Variants in SLCO3A1 observed in about 807,000 individuals in gnomAD.
The protein encoded by SLCO3A1 is PGE1 transporter.
In SLCO3A1, 27 loss-of-function variants were observed where a neutral mutation model predicts 63.1. That is an observed-to-expected ratio of 0.43 (90% CI 0.32 to 0.59). The LOEUF (loss-of-function observed/expected upper bound fraction) is 0.59. Ranked by LOEUF, SLCO3A1 falls within the 20% of genes least tolerant of loss-of-function variation. The probability of loss-of-function intolerance (pLI) is 0.09; values close to 1 mark genes in which losing one functional copy is unlikely to be tolerated. For synonymous variants in SLCO3A1, 473 were observed against 409.9 expected (o/e 1.15, Z -1.86); for missense variants, 773 against 945.8 (o/e 0.82, Z 2.40).
chr15:92,059,176 G>C (rs2047056590), intron 2 of SLCO3A1, among the ~76,000 whole-genome samples: 1 of 152,198 alleles, frequency 6.6e-6, no homozygotes, highest in South Asian at 2.1e-4. Context: ...CTCTTACCAA[G>C]TAGATCAACC....
intron 10 of SLCO3A1, chr15:92,171,773 C>T: frequency 6.5e-7 from 1 of 1,547,942 alleles, no homozygotes; most frequent in South Asian, 1.2e-5. Context: ...CCCTCCTCCC[C>T]CTTTAGGCAC....
rs113451345 is a variant in SLCO3A1 at position 91,959,903 on chromosome 15, C to T, written c.646+43445C>T. ...ATTATGCCCTCCCTAGCAGGTGCTG[C>T]CAAACACTAATTTACTTTCTGTGTC... On this transcript the variant is annotated intron_variant, in intron 2 of 9. Transcript: ENST00000318445. Among the ~76,000 whole-genome samples the T allele has an allele frequency of 6.7e-3, 1,013 of 152,194 alleles. 13 individuals are homozygous for T. The highest frequency in any genetic ancestry group is 0.024 in the African/African-American group (988 of 41,518).
intron 1 of SLCO3A1, among the ~76,000 whole-genome samples, chr15:91,869,299 G>A (rs1374772353): frequency 2.0e-5 from 3 of 152,122 alleles, no homozygotes; most frequent in Non-Finnish European, 2.9e-5. Flanking sequence ...ACTTTGGGAG[G>A]CCGAGGTGGG....
chr15:91,866,715 G>A (rs376182182), intron 1 of SLCO3A1, among the ~76,000 whole-genome samples: 1 of 151,588 alleles, frequency 6.6e-6, no homozygotes, highest in African/African-American at 2.4e-5. Flanking sequence ...GATTTATCGT[G>A]GGGGGGGAGA....
At chr15:92,150,295 C>T (rs1180973712) in intron 8 of SLCO3A1, among the ~76,000 whole-genome samples, 2 of 152,198 alleles carry the variant, frequency 1.3e-5, no homozygotes, top group African/African-American at 4.8e-5. Context: ...CAGATTGAGG[C>T]TGGGTCTGCC....
chr15:92,161,576 T>A (rs2048437321), intron 9 of SLCO3A1: 1 of 152,208 alleles, frequency 6.6e-6, no homozygotes, highest in South Asian at 2.1e-4. Flanking sequence ...ATATTAAATA[T>A]CCAGGGGAAG....
intron 2 of SLCO3A1, among the ~76,000 whole-genome samples, chr15:92,015,766 C>T (rs1187138847): frequency 6.6e-6 from 1 of 152,144 alleles, no homozygotes. Context: ...CTGGTCCAGT[C>T]CCTGCTTGCT....
intron 2 of SLCO3A1, among the ~76,000 whole-genome samples, chr15:92,016,225 A>ATAGATAGATAGATAGAT (rs2046426369): frequency 6.7e-5 from 6 of 89,270 alleles, no homozygotes; most frequent in African/African-American, 2.1e-4. Flanking sequence ...AGATAGATAG[A>ATAGATAGATAGATAGAT]TAGATAGATA....
chr15:91,869,520 A>AG (rs1897242431), intron 1 of SLCO3A1, among the ~76,000 whole-genome samples: 1 of 54,408 alleles, frequency 1.8e-5, no homozygotes, highest in Admixed American at 1.8e-4. Context: ...TCTGTCTCAA[A>AG]GGAAAAAAAA....
At chr15:92,104,210 G>A in intron 3 of SLCO3A1, 69 bp from the exon 4 acceptor site, 1 of 1,563,816 alleles carries the variant, frequency 6.4e-7, no homozygotes, top group Non-Finnish European at 8.7e-7. Flanking sequence ...AGCGGATTCA[G>A]ATTCTCAGCA....
At chr15:91,889,439 A>C (rs912430498) in intron 1 of SLCO3A1, among the ~76,000 whole-genome samples, 1 of 152,238 alleles carries the variant, frequency 6.6e-6, no homozygotes, top group Non-Finnish European at 1.5e-5. Context: ...GGTAGTGGGC[A>C]GTAAGATGTG....
intron 2 of SLCO3A1, among the ~76,000 whole-genome samples, chr15:92,071,247 G>A (rs778209857): frequency 7.9e-5 from 12 of 152,164 alleles, no homozygotes; most frequent in Non-Finnish European, 1.5e-4. Context: ...ATGCGAGGCC[G>A]GTGCCTGCCA....
At chr15:91,904,831 C>T (rs1214659259) in intron 1 of SLCO3A1, among the ~76,000 whole-genome samples, 1 of 152,058 alleles carries the variant, frequency 6.6e-6, no homozygotes, top group Non-Finnish European at 1.5e-5. Flanking sequence ...ATTTTATTAG[C>T]GTATTTATGG....
intron 2 of SLCO3A1, among the ~76,000 whole-genome samples, chr15:91,937,478 C>T (rs890122379): frequency 2.6e-5 from 4 of 152,186 alleles, no homozygotes; most frequent in African/African-American, 4.8e-5. Flanking sequence ...CCAGTACTTC[C>T]GGAGGCCGAG....
Position 91,859,152 on chromosome 15 carries a change from T to C in SLCO3A1, c.180+5064T>C, listed in dbSNP as rs1015529921. Among the ~76,000 whole-genome samples the C allele has an allele frequency of 2.0e-5, 3 of 152,220 alleles. No individual in the cohort carries two copies. The highest frequency in any genetic ancestry group is 7.2e-5 in the African/African-American group (3 of 41,446). ...CAATGAATATTGTATGCCATACTTT[T>C]TGAAGGTGCGAAGGGACATTTCAAT... On this transcript the variant is annotated intron_variant, in intron 1 of 9. Transcript: ENST00000318445. The surrounding 1 kb of genome is among the most constrained non-coding windows in gnomAD (Gnocchi z 5.1).
At chr15:92,070,156 C>T (rs1280776009) in intron 2 of SLCO3A1, among the ~76,000 whole-genome samples, 1 of 152,212 alleles carries the variant, frequency 6.6e-6, no homozygotes, top group African/African-American at 2.4e-5. Context: ...CTCACGCTCT[C>T]TGAGCATCTC....
At chr15:92,107,304 T>C (rs1021974570) in intron 4 of SLCO3A1, among the ~76,000 whole-genome samples, 3 of 152,188 alleles carry the variant, frequency 2.0e-5, no homozygotes, top group Non-Finnish European at 4.4e-5. Context: ...AGAGCCAAAA[T>C]ACAGTGAAAT....
At chr15:92,139,829 T>G (rs1041053698) in intron 7 of SLCO3A1, among the ~76,000 whole-genome samples, 10 of 150,692 alleles carry the variant, frequency 6.6e-5, no homozygotes, top group African/African-American at 1.7e-4. Context: ...GATATCCCCT[T>G]TATCATTTTT....
chr15:92,023,819 T>C (rs1392304648), intron 2 of SLCO3A1, among the ~76,000 whole-genome samples: 2 of 152,226 alleles, frequency 1.3e-5, no homozygotes, highest in African/African-American at 4.8e-5. Flanking sequence ...AGACAGATCT[T>C]ACCCTCCTAC....
Sources: allele counts gnomAD v4.1 joint callset (sites outside exome capture counted in the v4.1 genomes callset), GRCh38; gene constraint gnomAD v4.1.1; non-coding constraint Gnocchi (gnomAD v3.1); transcripts MANE v1.5; gene names NCBI Gene and HGNC (gene_info 2026-07-23, HGNC 2026-07-21).